The following ADCY8 variants were observed in gnomAD, a reference collection of about 807,000 sequenced individuals.
ADCY8 encodes adenylate cyclase 8, also known as adenylate cyclase type 8.
A neutral mutation model predicts 119.7 loss-of-function variants in ADCY8; 51 were observed. That is an observed-to-expected ratio of 0.43 (90% confidence interval 0.34 to 0.54). The LOEUF (loss-of-function observed/expected upper bound fraction) is 0.54. ADCY8 is among the 20% of genes least tolerant of loss of function. The probability of loss-of-function intolerance (pLI) is 0.03; values close to 1 mark genes in which losing one functional copy is unlikely to be tolerated. For synonymous variants in ADCY8, 665 were observed against 651.0 expected, an observed-to-expected ratio of 1.02 and a Z score of -0.33; for missense variants, 1,383 against 1,598.8, an observed-to-expected ratio of 0.87 and a Z score of 2.30.
intron 15 of ADCY8, among the ~76,000 whole-genome samples, chr8:130,799,778 G>A (rs1321537120): frequency 2.6e-5 from 4 of 152,216 alleles, no homozygotes; most frequent in Non-Finnish European, 5.9e-5. Flanking sequence ...CAGGGATTTG[G>A]CTTATTCCGT....
chr8:130,880,765 T>G (rs1818740741), intron 8 of ADCY8, among the ~76,000 whole-genome samples: 1 of 152,012 alleles, frequency 6.6e-6, no homozygotes, highest in Non-Finnish European at 1.5e-5. Context: ...CACTGGGTGA[T>G]TTTTTAGAGT....
At chr8:130,999,548 C>T (rs985140380) in intron 1 of ADCY8, among the ~76,000 whole-genome samples, 5 of 152,130 alleles carry the variant, frequency 3.3e-5, no homozygotes, top group South Asian at 2.1e-4. Context: ...CTGAGGGGCC[C>T]GTCCTCTCCA....
intron 12 of ADCY8, among the ~76,000 whole-genome samples, chr8:130,825,178 A>G (rs1816635046): frequency 6.6e-6 from 1 of 152,208 alleles, no homozygotes; most frequent in Admixed American, 6.5e-5. Context: ...TCACATATTT[A>G]TCATTTCTTT....
chr8:130,794,403 C>T (rs57752897), intron 15 of ADCY8, among the ~76,000 whole-genome samples: 2,912 of 152,178 alleles, frequency 0.019, 100 homozygotes, highest in African/African-American at 0.066. Context: ...CACCAGCACG[C>T]CTGGCTCATT....
chr8:130,829,771 A>G (rs1036128044), intron 12 of ADCY8, among the ~76,000 whole-genome samples: 12 of 152,354 alleles, frequency 7.9e-5, no homozygotes, highest in Admixed American at 7.8e-4. Context: ...TTAACACTAA[A>G]GTTACTCTAG....
intron 2 of ADCY8, among the ~76,000 whole-genome samples, chr8:130,970,516 A>G (rs1821892639): frequency 6.6e-6 from 1 of 152,204 alleles, no homozygotes. Context: ...TAATTATTTC[A>G]TTACATATTA....
At chr8:131,030,653 A>G (rs914274205) in intron 1 of ADCY8, among the ~76,000 whole-genome samples, 1 of 152,190 alleles carries the variant, frequency 6.6e-6, no homozygotes, top group Non-Finnish European at 1.5e-5. Context: ...GCTCCATTAC[A>G]TCAATAACCT....
intron 7 of ADCY8, among the ~76,000 whole-genome samples, chr8:130,888,791 C>T (rs1819081052): frequency 6.6e-6 from 1 of 152,102 alleles, no homozygotes; most frequent in Admixed American, 6.6e-5. Context: ...GAAGACTCTT[C>T]TTTAGGACTT....
intron 7 of ADCY8, among the ~76,000 whole-genome samples, chr8:130,893,689 T>TGTGC (rs1422420609): frequency 1.3e-5 from 2 of 149,966 alleles, no homozygotes; most frequent in African/African-American, 2.5e-5. Context: ...TGTGTGTGTG[T>TGTGC]GCATGTTTAT....
chr8:130,977,962 G>A lies in ADCY8; in HGVS notation c.1110+12431C>T, dbSNP rs545652010. ...GAAATATCTTCCACTACTCATTCAT[G>A]CATCTGACAAACTGTTCTTCAGCAA... On this transcript the variant is annotated intron_variant, in intron 2 of 17. Transcript: ENST00000286355. Among the ~76,000 whole-genome samples the A allele has an allele frequency of 1.3e-4, 20 of 152,276 alleles. No homozygotes were observed. The South Asian group carries it at 3.9e-3, about 30-fold the overall frequency.
At chr8:130,920,979 G>T (rs947014266) in intron 5 of ADCY8, among the ~76,000 whole-genome samples, 23 of 152,156 alleles carry the variant, frequency 1.5e-4, no homozygotes, top group African/African-American at 5.6e-4. Context: ...ACAATTTTGT[G>T]AACCAATTTC....
chr8:130,884,688 G>A lies in ADCY8; in HGVS notation c.1985C>T (p.Ser662Phe). 1.2e-6 allele frequency: 2 copies of A among 1,613,882 alleles called. No homozygotes were observed. The highest frequency in any genetic ancestry group is 1.7e-6 in the Non-Finnish European group (2 of 1,179,832). Residue 662 changes from serine to phenylalanine, a missense_variant, in exon 8 of 18, where the codon TCT (serine) becomes TTT (phenylalanine). Transcript: ENST00000286355. The part of the protein sequence containing the change: ...NHLAQALHVQ[S>F]GPEEINKRIE... ...TCTCTTGTTAATTTCCTCAGGCCCA[G>A]ACTGGACATGCAAAGCTTGTGCAAG...
At chr8:130,832,962 C>T (rs929710066) in intron 12 of ADCY8, among the ~76,000 whole-genome samples, 3 of 152,202 alleles carry the variant, frequency 2.0e-5, no homozygotes, top group Admixed American at 2.0e-4. Flanking sequence ...CAGCTTATTC[C>T]GTTAATGTTG....
chr8:130,887,435 G>A (rs1396698772), intron 7 of ADCY8, among the ~76,000 whole-genome samples: 1 of 152,086 alleles, frequency 6.6e-6, no homozygotes, highest in Non-Finnish European at 1.5e-5. Flanking sequence ...ATAATGTGGT[G>A]GAGAATTCTT....
intron 12 of ADCY8, among the ~76,000 whole-genome samples, chr8:130,827,936 C>T (rs1816716363): frequency 6.6e-6 from 1 of 152,162 alleles, no homozygotes. Context: ...ACGATCATTA[C>T]TGGGGAGAAC....
At chr8:130,925,095 C>G (rs562024989) in intron 5 of ADCY8, among the ~76,000 whole-genome samples, 1 of 151,684 alleles carries the variant, frequency 6.6e-6, no homozygotes, top group African/African-American at 2.4e-5. Context: ...GTCCCAGCTA[C>G]TGGGGAGGCT....
chr8:130,802,296 G>T (rs1243582367), intron 14 of ADCY8, among the ~76,000 whole-genome samples: 1 of 152,134 alleles, frequency 6.6e-6, no homozygotes, highest in Non-Finnish European at 1.5e-5. Context: ...ATCAAGTTCT[G>T]CTGGGCTTGT....
chr8:130,867,445 G>T lies in ADCY8; in HGVS notation c.2210+401C>A, dbSNP rs187691048. Among the ~76,000 whole-genome samples the T allele has an allele frequency of 3.3e-5, 5 of 152,290 alleles. No individual in the cohort carries two copies. The East Asian group carries it at 9.6e-4, about 29-fold the overall frequency. On this transcript the variant is annotated intron_variant, in intron 9 of 17. Transcript: ENST00000286355. ...TAGAACAGTGGCTGGCCACAAACAG[G>T]TGTTTGCATTATTATTAAAGTGTTG...
chr8:130,999,414 T>C (rs1339417449), intron 1 of ADCY8, among the ~76,000 whole-genome samples: 1 of 152,146 alleles, frequency 6.6e-6, no homozygotes, highest in East Asian at 1.9e-4. Flanking sequence ...TGCTGTTTGA[T>C]GCCAGGGAGT....
Sources: allele counts gnomAD v4.1 joint callset (sites outside exome capture counted in the v4.1 genomes callset), GRCh38; gene constraint gnomAD v4.1.1; transcripts MANE v1.5; gene names NCBI Gene and HGNC (gene_info 2026-07-23, HGNC 2026-07-21).